The following HERC2 variants were observed in gnomAD, a reference collection of about 807,000 sequenced individuals.
HERC2 encodes the protein E3 ubiquitin-protein ligase HERC2.
In HERC2, 102 loss-of-function variants were observed where a neutral mutation model predicts 537.7. The observed-to-expected ratio is 0.19, with a 90% CI of 0.16 to 0.22. HERC2 has a LOEUF of 0.22. Ranked by LOEUF, HERC2 falls within the 10% of genes least tolerant of loss-of-function variation. HERC2 has a pLI of 1.00. For missense variants in HERC2, 4,236 were observed against 6,198.2 expected, an observed-to-expected ratio of 0.68 and a Z score of 10.63; for synonymous variants, 2,224 against 2,466.2, an observed-to-expected ratio of 0.90 and a Z score of 2.91.
chr15:28,176,171 T>C lies in HERC2; in HGVS notation c.9686+257A>G, dbSNP rs1453704814. Among the ~76,000 whole-genome samples, 1 of 152,224 alleles carries C rather than the reference T, an allele frequency of 6.6e-6. No individual in the cohort carries two copies. Among genetic ancestry groups the C allele is most frequent in the Admixed American group, 6.5e-5 (1 of 15,278 alleles). On this transcript the variant is annotated intron_variant, in intron 63 of 92. Transcript: ENST00000261609. This position sits in a 1 kb window ranked among gnomAD's most constrained non-coding sequence, Gnocchi z 5.0. ...GCTTCAGCAGAAGAAACCGTTCCCA[T>C]AAATCTCACCCAAACAGGAAAGGTA...
intron 23 of HERC2, among the ~76,000 whole-genome samples, chr15:28,240,646 C>T (rs992908555): frequency 2.6e-5 from 4 of 151,994 alleles, no homozygotes; most frequent in Admixed American, 6.6e-5. Flanking sequence ...GCAGATTAAA[C>T]CCTAAGAAAG....
At chr15:28,217,185 G>A (rs1177426863) in intron 38 of HERC2, among the ~76,000 whole-genome samples, 1 of 152,000 alleles carries the variant, frequency 6.6e-6, no homozygotes, top group Non-Finnish European at 1.5e-5. Context: ...CTTACACTGG[G>A]TGTCTCATTC....
chr15:28,302,678 G>A (rs1234628062), intron 2 of HERC2, among the ~76,000 whole-genome samples: 3 of 120,026 alleles, frequency 2.5e-5, no homozygotes, highest in Non-Finnish European at 5.2e-5. Context: ...ATTTGTTCTT[G>A]TCTTTTGGAT....
Position 28,141,828 on chromosome 15 carries a change from C to T in HERC2, c.11719G>A (p.Glu3907Lys), listed in dbSNP as rs1891257110. 6.2e-7 allele frequency: 1 copy of T among 1,613,766 alleles called. No individual in the cohort carries two copies. Among genetic ancestry groups the T allele is most frequent in the African/African-American group, 1.3e-5 (1 of 74,912 alleles). The change falls in exon 77 of 93, where the codon GAA becomes AAA. Residue 3907 changes from glutamate to lysine, a missense_variant. Transcript: ENST00000261609. The stretch of plus-strand genomic sequence containing the variant: ...ATGTTTTCGCTGTCTGCCATTAATT[C>T]ACGAATTTTCTTAGCCACCTAAACA... Reference protein sequence around the residue: ...FLDEVAKKIRELMADSENMDV... With the variant: ...FLDEVAKKIRKLMADSENMDV...
At chr15:28,161,911 A>T (rs1362269835) in intron 69 of HERC2, among the ~76,000 whole-genome samples, 1 of 152,278 alleles carries the variant, frequency 6.6e-6, no homozygotes, top group African/African-American at 2.4e-5. Context: ...GTTATTCAAT[A>T]AATGATGTTA....
intron 92 of HERC2, 93 bp from the exon 93 acceptor site, chr15:28,112,128 A>T: frequency 4.0e-6 from 5 of 1,265,246 alleles, no homozygotes; most frequent in Non-Finnish European, 5.5e-6. Context: ...ACAAAACCAT[A>T]TTTTTTGCTA....
chr15:28,148,294 T>A, intron 70 of HERC2, among the ~76,000 whole-genome samples: 1 of 149,698 alleles, frequency 6.7e-6, no homozygotes, highest in African/African-American at 2.5e-5. Context: ...GAGTGTAAAA[T>A]CAAATAAACA....
intron 9 of HERC2, among the ~76,000 whole-genome samples, chr15:28,271,676 A>C (rs2075732943): frequency 6.6e-6 from 1 of 152,170 alleles, no homozygotes; most frequent in South Asian, 2.1e-4. Flanking sequence ...CTAAGGAAAA[A>C]AAAAAGACTG....
intron 2 of HERC2, among the ~76,000 whole-genome samples, chr15:28,306,544 T>C (rs2141246751): frequency 6.6e-6 from 1 of 152,304 alleles, no homozygotes; most frequent in Middle Eastern, 3.4e-3. Context: ...TTTGATTATG[T>C]CTTTGTCTGG....
chr15:28,304,862 C>T (rs1428588101), intron 2 of HERC2, among the ~76,000 whole-genome samples: 1 of 113,540 alleles, frequency 8.8e-6, no homozygotes, highest in East Asian at 2.4e-4. Context: ...CCTCCCCCCT[C>T]CCCCCACCCC....
chr15:28,146,078 A>G (rs1891700232), intron 71 of HERC2, among the ~76,000 whole-genome samples, 159 bp downstream of exon 71: 1 of 152,174 alleles, frequency 6.6e-6, no homozygotes, highest in African/African-American at 2.4e-5. Flanking sequence ...GGAAAGAGGC[A>G]AGCAAACCCA....
intron 69 of HERC2, among the ~76,000 whole-genome samples, chr15:28,158,560 C>G (rs146541207): frequency 6.6e-6 from 1 of 152,136 alleles, no homozygotes; most frequent in Non-Finnish European, 1.5e-5. Flanking sequence ...GATTGCAACT[C>G]CTGCCTTTTT....
In HERC2 at chr15:28,168,517, C is replaced by T. The variant is rs1894375237; in HGVS notation, c.10303G>A (p.Ala3435Thr). Residue 3435 changes from alanine (A) to threonine (T), a missense_variant, in exon 67 of 93, where the codon GCC (alanine) becomes ACC (threonine). By Grantham distance (58) the Ala-to-Thr change is moderately conservative. Transcript: ENST00000261609. ...GCCATCGCAGATGCGTCGGAAGGGG[C>T]CGCCGAGGAGAACGAGGGGCACTCC... The part of the protein sequence containing the change: ...PVECPSFSSA[A>T]PSDASAMASP... 6.2e-7 allele frequency: 1 copy of T among 1,614,192 alleles called. No homozygotes were observed. The highest frequency in any genetic ancestry group is 8.5e-7 in the Non-Finnish European group (1 of 1,180,032).
chr15:28,248,536 A>T lies in HERC2; in HGVS notation c.3235+16T>A. ...CCGATCACATACAAGACACTTTCAC[A>T]TTTTAAGCAACTTACTAGAAATATC... On this transcript the variant is annotated intron_variant, in intron 21 of 92. Transcript: ENST00000261609. The T allele has an allele frequency of 6.2e-7, 1 of 1,606,090 alleles. No homozygotes were observed.
chr15:28,265,699 C>T lies in HERC2; in HGVS notation c.1789G>A (p.Val597Ile). The T allele has an allele frequency of 6.2e-7, 1 of 1,614,200 alleles. No homozygotes were observed. The highest frequency in any genetic ancestry group is 8.5e-7 in the Non-Finnish European group (1 of 1,180,030). ...ACCTTCAGTCCTTTAAGCCCGGCTA[C>T]CAGCATCGGAATGGCCTCGTCCTCA... is the stretch of plus-strand genomic sequence containing the variant. Reference protein sequence around the residue: ...SSEDEAIPMLVAGLKGLKVID... With the variant: ...SSEDEAIPMLIAGLKGLKVID... The change falls in exon 14 of 93, where the codon GTA (valine) becomes ATA (isoleucine). Residue 597 changes from valine (V) to isoleucine (I), a missense_variant. By Grantham distance (29) the Val-to-Ile change is conservative (BLOSUM62 3). Coordinates refer to ENST00000261609, the MANE Select transcript of HERC2 (RefSeq NM_004667.6). The surrounding 1 kb of genome is among the most constrained non-coding windows in gnomAD (Gnocchi z 4.0).
chr15:28,254,459 A>G lies in HERC2; in HGVS notation c.2931T>C (p.Asn977=), dbSNP rs766315517. ...KEKEIDEQEA[N]ASTFHRSRTP... ...TCCTGCTTCTATGAAATGTTGAGGC[A>G]TTCGCTTCCTGTTCATCAATTTCTT... is the stretch of plus-strand genomic sequence containing the variant. Residue 977 remains asparagine (N), a synonymous_variant, in exon 20 of 93, where the codon AAT becomes AAC. Transcript: ENST00000261609. 1 of 1,605,768 alleles carries G rather than the reference A, an allele frequency of 6.2e-7. No homozygotes were observed. Among genetic ancestry groups the G allele is most frequent in the Non-Finnish European group, 8.5e-7 (1 of 1,177,492 alleles).
intron 16 of HERC2, among the ~76,000 whole-genome samples, chr15:28,257,982 C>T (rs2075311816): frequency 6.6e-6 from 1 of 151,988 alleles, no homozygotes; most frequent in African/African-American, 2.4e-5. Context: ...CCGCACCTGG[C>T]CATACATATA....
chr15:28,257,281 T>A lies in HERC2; in HGVS notation c.2317-20A>T, dbSNP rs1441971334. On this transcript the variant is annotated intron_variant, in intron 16 of 92. Coordinates refer to ENST00000261609, the MANE Select transcript of HERC2 (RefSeq NM_004667.6). Reference sequence around the variant, plus strand: ...AAAGCTCTAAGAGGAAACGCAACAATCTAAAATGAATCTCCAAATGCAGCT... The same window carrying A: ...AAAGCTCTAAGAGGAAACGCAACAAACTAAAATGAATCTCCAAATGCAGCT... 6.2e-7 allele frequency: 1 copy of A among 1,607,590 alleles called. No homozygotes were observed. Among genetic ancestry groups the A allele is most frequent in the Non-Finnish European group, 8.5e-7 (1 of 1,175,002 alleles).
At chr15:28,173,266 A>G (rs1206653327) in intron 65 of HERC2, among the ~76,000 whole-genome samples, 1 of 152,220 alleles carries the variant, frequency 6.6e-6, no homozygotes, top group African/African-American at 2.4e-5. Context: ...ACAAACTTGT[A>G]TGGAAATGTC....
Sources: allele counts gnomAD v4.1 joint callset (sites outside exome capture counted in the v4.1 genomes callset), GRCh38; gene constraint gnomAD v4.1.1; non-coding constraint Gnocchi (gnomAD v3.1); transcripts MANE v1.5; gene names NCBI Gene and HGNC (gene_info 2026-07-23, HGNC 2026-07-21).